The following ADGRA3 variants were observed in gnomAD, a reference collection of about 807,000 sequenced individuals.
ADGRA3 encodes the protein G-protein coupled receptor 125.
Under a neutral mutation model 119.8 loss-of-function variants are expected in ADGRA3, and 56 were observed. The ratio of observed to expected loss-of-function variants is 0.47; its 90% confidence interval spans 0.38 to 0.58. ADGRA3 has a LOEUF of 0.58. Among genes scored for constraint, ADGRA3 ranks in the 20% least tolerant of loss-of-function variants. The pLI is 0.00. For synonymous variants in ADGRA3, 607 were observed against 623.8 expected (o/e 0.97, Z 0.40); for missense variants, 1,516 against 1,649.0 (o/e 0.92, Z 1.40).
intron 4 of ADGRA3, among the ~76,000 whole-genome samples, chr4:22,448,680 T>C (rs1716914443): frequency 6.6e-6 from 1 of 152,200 alleles, no homozygotes. Flanking sequence ...TGGGAAGACC[T>C]GATATCACAC....
intron 6 of ADGRA3, among the ~76,000 whole-genome samples, chr4:22,443,808 A>G (rs1716720567): frequency 6.6e-6 from 1 of 152,222 alleles, no homozygotes; most frequent in Non-Finnish European, 1.5e-5. Flanking sequence ...AGTCATGAAC[A>G]TAAACATGGT....
At chr4:22,442,563 T>G in intron 7 of ADGRA3, 87 bp downstream of exon 7, 1 of 851,308 alleles carries the variant, frequency 1.2e-6, no homozygotes, top group South Asian at 2.0e-5. Flanking sequence ...AAATATTAAT[T>G]CAAATTCCAC....
Position 22,473,926 on chromosome 4 carries a change from T to C in ADGRA3, c.258-83A>G, listed in dbSNP as rs111984664. 2.1e-5 allele frequency: 16 copies of C among 774,394 alleles called. 1 individual carries two copies. The South Asian group carries it at 2.6e-4, about 12-fold the overall frequency. The allele number at this position is 774,394 out of a possible 1,614,324, so 48.0% of individuals were successfully genotyped here. A position where few individuals can be genotyped will look rare whatever the true frequency, so the allele number is the denominator to read the frequency against. The stretch of plus-strand genomic sequence containing the variant: ...ATTTAGCTTATTATGTTTAAACCTA[T>C]GAGAAATTCTAAGACATCATTTATT... On this transcript the variant is annotated intron_variant, in intron 1 of 18. Coordinates refer to ENST00000334304, the MANE Select transcript of ADGRA3 (RefSeq NM_145290.4).
chr4:22,508,941 A>C (rs1005739673), intron 1 of ADGRA3, among the ~76,000 whole-genome samples: 5 of 152,070 alleles, frequency 3.3e-5, no homozygotes, highest in African/African-American at 1.2e-4. Flanking sequence ...ACGGGGCCAA[A>C]ATTCCCTCTT....
intron 16 of ADGRA3, 38 bp from the exon 17 acceptor site, chr4:22,392,728 A>AT: frequency 6.3e-7 from 1 of 1,579,664 alleles, no homozygotes; most frequent in South Asian, 1.2e-5. Flanking sequence ...AAGAAAAAAA[A>AT]TGTTCCTACT....
intron 1 of ADGRA3, among the ~76,000 whole-genome samples, chr4:22,485,846 T>C (rs1241683861): frequency 2.0e-5 from 3 of 152,320 alleles, no homozygotes; most frequent in South Asian, 2.1e-4. Context: ...AATGGCCTTG[T>C]TGCAGAAGCA....
intron 4 of ADGRA3, among the ~76,000 whole-genome samples, chr4:22,454,437 G>A (rs1717172204): frequency 6.6e-6 from 1 of 152,122 alleles, no homozygotes. Flanking sequence ...CTTGACAAAT[G>A]GCCTTGTTCT....
In ADGRA3 at chr4:22,516,034, T is replaced by C. The variant is rs1209280793; in HGVS notation, c.-250A>G. The C allele has an allele frequency of 6.4e-6, 1 of 156,790 alleles. No homozygotes were observed. The highest frequency in any genetic ancestry group is 1.4e-5 in the Non-Finnish European group (1 of 73,082). 9.7% of individuals were successfully genotyped at this position (156,790 alleles called of 1,614,324 possible). On this transcript the variant is annotated 5_prime_UTR_variant, in exon 1 of 19. Transcript: ENST00000334304. ...ACCGCCCGGCGCGAGCACCGCCTCC[T>C]CCTCCTCCTCTGCCGCCGCCGCCGC...
chr4:22,428,351 A>AAG (rs991392974), intron 10 of ADGRA3, among the ~76,000 whole-genome samples: 6 of 151,232 alleles, frequency 4.0e-5, no homozygotes, highest in African/African-American at 1.5e-4. Context: ...TAAAATAAGA[A>AAG]AAAAAAAAAG....
intron 8 of ADGRA3, among the ~76,000 whole-genome samples, chr4:22,436,983 T>A (rs115921569): frequency 0.011 from 1,658 of 152,294 alleles, 26 homozygotes; most frequent in African/African-American, 0.038. Flanking sequence ...GGAATTTAAT[T>A]GCATAATATC....
At chr4:22,419,198 T>G (rs1337705772) in intron 12 of ADGRA3, among the ~76,000 whole-genome samples, 1 of 151,430 alleles carries the variant, frequency 6.6e-6, no homozygotes, top group Admixed American at 6.6e-5. Flanking sequence ...TTAAAGGCAG[T>G]GCAATCAGTT....
intron 14 of ADGRA3, among the ~76,000 whole-genome samples, chr4:22,406,782 G>T (rs1188004826): frequency 6.6e-6 from 1 of 152,008 alleles, no homozygotes; most frequent in Non-Finnish European, 1.5e-5. Context: ...AGTATAAAGG[G>T]CCAGATAGTA....
At chr4:22,460,773 G>A (rs1268407920) in intron 3 of ADGRA3, among the ~76,000 whole-genome samples, 5 of 152,198 alleles carry the variant, frequency 3.3e-5, no homozygotes. Flanking sequence ...GAAGGGTAGA[G>A]GGAAAATTAT....
At chr4:22,453,171 A>T (rs1321475294) in intron 4 of ADGRA3, among the ~76,000 whole-genome samples, 111 of 148,378 alleles carry the variant, frequency 7.5e-4, no homozygotes, top group African/African-American at 2.7e-3. Context: ...ACTGCACTCC[A>T]GCCTGGGCGA....
chr4:22,477,735 A>G (rs1718102016), intron 1 of ADGRA3: 2 of 152,200 alleles, frequency 1.3e-5, no homozygotes. Flanking sequence ...ACATTTCATC[A>G]CACTTAAAAC....
intron 1 of ADGRA3, among the ~76,000 whole-genome samples, chr4:22,507,057 G>A (rs1719263851): frequency 7.0e-6 from 1 of 142,854 alleles, no homozygotes; most frequent in African/African-American, 2.6e-5. Context: ...CTAACACGAT[G>A]AAACCCCATC....
At chr4:22,415,292 A>G (rs1715383859) in intron 12 of ADGRA3, among the ~76,000 whole-genome samples, 1 of 152,224 alleles carries the variant, frequency 6.6e-6, no homozygotes, top group East Asian at 1.9e-4. Context: ...TGACTTTAGA[A>G]TTAATGATGT....
intron 17 of ADGRA3, among the ~76,000 whole-genome samples, chr4:22,390,094 T>C (rs541293324): frequency 4.5e-4 from 68 of 152,010 alleles, no homozygotes; most frequent in African/African-American, 1.6e-3. Flanking sequence ...ATTCCACAGA[T>C]TAGAGAGATG....
chr4:22,391,255 A>G (rs779412626), intron 17 of ADGRA3, among the ~76,000 whole-genome samples: 3 of 152,096 alleles, frequency 2.0e-5, no homozygotes, highest in Non-Finnish European at 2.9e-5. Flanking sequence ...TAAAAAATGT[A>G]AACATTCCAC....
Sources: gnomAD v4.1 joint callset for allele counts (sites outside exome capture counted in the v4.1 genomes callset) on GRCh38, gnomAD v4.1.1 for gene constraint, MANE v1.5 for transcripts, NCBI Gene and HGNC (gene_info 2026-07-23, HGNC 2026-07-21) for gene names.